LPP: variants seen among roughly 807,000 people sequenced by gnomAD.
The protein encoded by LPP is lipoma-preferred partner.
In LPP, 38 loss-of-function variants were observed where a neutral mutation model predicts 60.4. That is an observed-to-expected ratio of 0.63 (90% CI 0.49 to 0.83). The LOEUF (loss-of-function observed/expected upper bound fraction) is 0.83, where lower values mean the gene tolerates loss of function less well. LPP is among the 40% of genes least tolerant of loss of function. The pLI, the probability that LPP is intolerant of heterozygous loss-of-function variation, is 0.00. For missense variants in LPP, 902 were observed against 783.6 expected (o/e 1.15, Z -1.80); for synonymous variants, 328 against 290.8 (o/e 1.13, Z -1.30).
At chr3:188,751,108 A>G (rs1232440276) in intron 8 of LPP, among the ~76,000 whole-genome samples, 1 of 152,228 alleles carries the variant, frequency 6.6e-6, no homozygotes, top group South Asian at 2.1e-4. Flanking sequence ...GACTTCACAG[A>G]GGGAAGATTA....
At chr3:188,407,685 C>A (rs1359030300) in intron 4 of LPP, among the ~76,000 whole-genome samples, 1 of 151,392 alleles carries the variant, frequency 6.6e-6, no homozygotes, top group East Asian at 1.9e-4. Context: ...TCTTTAGTGA[C>A]TTCAGGGCTT....
rs915250131 is a variant in LPP, at chr3:188,800,112, A to G, written c.1410+39830A>G. On this transcript the variant is annotated intron_variant, in intron 9 of 11. Transcript: ENST00000617246. The stretch of plus-strand genomic sequence containing the variant: ...AGTATTTTTAGTGATATAGAATTCT[A>G]TAGGATACATGAACCGTAACTCCCT... Among the ~76,000 whole-genome samples, 46 of 150,692 alleles carry G rather than the reference A, an allele frequency of 3.1e-4. 1 individual carries two copies. Among genetic ancestry groups the G allele is most frequent in the African/African-American group, 9.0e-4 (37 of 41,056 alleles).
chr3:188,767,188 A>G (rs565428925), intron 9 of LPP, among the ~76,000 whole-genome samples: 1 of 152,318 alleles, frequency 6.6e-6, no homozygotes, highest in African/African-American at 2.4e-5. Context: ...AAAAAAATAA[A>G]GGGGCAAAGA....
At chr3:188,421,118 G>A (rs1378451019) in intron 4 of LPP, among the ~76,000 whole-genome samples, 1 of 152,154 alleles carries the variant, frequency 6.6e-6, no homozygotes, top group Non-Finnish European at 1.5e-5. Context: ...AGTAGATTCA[G>A]GCATAACTTG....
intron 9 of LPP, among the ~76,000 whole-genome samples, chr3:188,828,452 A>C (rs983015667): frequency 4.9e-5 from 7 of 142,736 alleles, no homozygotes; most frequent in African/African-American, 1.6e-4. Context: ...TAAAAATACA[A>C]AAAAAAAAAA....
At chr3:188,167,999 C>G (rs566014256) in intron 1 of LPP, among the ~76,000 whole-genome samples, 1 of 152,240 alleles carries the variant, frequency 6.6e-6, no homozygotes, top group East Asian at 1.9e-4. Flanking sequence ...TTGTGTTTCT[C>G]TTTATATGGA....
At chr3:188,649,706 C>T (rs1818552) in intron 7 of LPP, among the ~76,000 whole-genome samples, 145,423 of 152,226 alleles carry the variant, frequency 0.96, 69,780 homozygotes, top group East Asian at 1. Context: ...AAGAAATGCA[C>T]TGGGGTCTGA....
At chr3:188,728,713 T>C (rs1216045919) in intron 8 of LPP, among the ~76,000 whole-genome samples, 1 of 152,186 alleles carries the variant, frequency 6.6e-6, no homozygotes, top group Non-Finnish European at 1.5e-5. Flanking sequence ...CAAATTATCT[T>C]CCAGATTTTA....
chr3:188,534,793 A>G (rs1366769600), intron 6 of LPP, among the ~76,000 whole-genome samples: 1 of 152,184 alleles, frequency 6.6e-6, no homozygotes, highest in African/African-American at 2.4e-5. Context: ...CTCTAGACAG[A>G]AGGTTGGAGG....
intron 7 of LPP, among the ~76,000 whole-genome samples, chr3:188,649,759 C>G (rs1200268130): frequency 6.6e-6 from 1 of 152,134 alleles, no homozygotes; most frequent in African/African-American, 2.4e-5. Flanking sequence ...CCTGAGTCAA[C>G]TATGATTCCT....
chr3:188,545,214 C>A (rs1826265657), intron 6 of LPP, among the ~76,000 whole-genome samples: 2 of 138,112 alleles, frequency 1.4e-5, no homozygotes, highest in Admixed American at 7.2e-5. Flanking sequence ...TGTAACTAAC[C>A]TGCACAATGT....
intron 4 of LPP, among the ~76,000 whole-genome samples, chr3:188,480,095 A>G (rs1200610489): frequency 6.6e-6 from 1 of 152,202 alleles, no homozygotes; most frequent in Non-Finnish European, 1.5e-5. Flanking sequence ...CTGCTTCTCA[A>G]GGCCGCATCC....
chr3:188,328,520 T>C (rs1391649353), intron 2 of LPP, among the ~76,000 whole-genome samples: 6 of 152,226 alleles, frequency 3.9e-5, no homozygotes, highest in Admixed American at 3.9e-4. Flanking sequence ...CTACAAATAC[T>C]GTTGTTTTCC....
At chr3:188,184,639 G>T (rs545638807) in intron 1 of LPP, among the ~76,000 whole-genome samples, 3 of 151,562 alleles carry the variant, frequency 2.0e-5, no homozygotes, top group Admixed American at 6.6e-5. Context: ...GAATTGAAGA[G>T]TGAGCCTCCT....
At chr3:188,861,229 T>C (rs1220051483) in intron 9 of LPP, among the ~76,000 whole-genome samples, 1 of 152,204 alleles carries the variant, frequency 6.6e-6, no homozygotes, top group Non-Finnish European at 1.5e-5. Context: ...TAAAGACTTT[T>C]CAAGACTGAA....
intron 7 of LPP, among the ~76,000 whole-genome samples, chr3:188,679,327 GT>G (rs147279802): frequency 1.1e-4 from 16 of 149,042 alleles, no homozygotes; most frequent in East Asian, 5.9e-4. Flanking sequence ...AAGTTCACTT[GT>G]TTTTTTTTTA....
intron 2 of LPP, among the ~76,000 whole-genome samples, chr3:188,317,531 G>T (rs1023225363): frequency 5.9e-5 from 9 of 152,158 alleles, no homozygotes; most frequent in Admixed American, 4.6e-4. Flanking sequence ...TTAGGGCCCT[G>T]ATAATCAAAT....
At chr3:188,856,724 A>G (rs1185726186) in intron 9 of LPP, among the ~76,000 whole-genome samples, 2 of 152,184 alleles carry the variant, frequency 1.3e-5, no homozygotes, top group Admixed American at 6.5e-5. Context: ...CACTGCCTCA[A>G]TGAAACTGGT....
intron 8 of LPP, among the ~76,000 whole-genome samples, chr3:188,747,680 A>T (rs1726698562): frequency 6.6e-6 from 1 of 152,222 alleles, no homozygotes. Flanking sequence ...AAAGTAATAC[A>T]CTAATCACTT....
Sources: allele counts gnomAD v4.1 joint callset (sites outside exome capture counted in the v4.1 genomes callset), GRCh38; gene constraint gnomAD v4.1.1; transcripts MANE v1.5; gene names NCBI Gene and HGNC (gene_info 2026-07-23, HGNC 2026-07-21).